EML6: variants seen among roughly 807,000 people sequenced by gnomAD.
EML6 encodes the protein EMAP like 6, also known as echinoderm microtubule-associated protein-like 6.
A neutral mutation model predicts 240.1 loss-of-function variants in EML6; 154 were observed. That is an observed-to-expected ratio of 0.64 (90% CI 0.56 to 0.73). The LOEUF (loss-of-function observed/expected upper bound fraction) is 0.73, where lower values mean the gene tolerates loss of function less well. Among genes scored for constraint, EML6 ranks in the 30% least tolerant of loss-of-function variants. EML6 has a pLI of 0.00. For synonymous variants in EML6, 1,148 were observed against 899.0 expected (o/e 1.28, Z -4.95); for missense variants, 2,964 against 2,474.6 (o/e 1.20, Z -4.20).
chr2:54,829,209 G>A, intron 6 of EML6, 133 bp from the exon 7 acceptor site: 1 of 714,406 alleles, frequency 1.4e-6, no homozygotes, highest in Non-Finnish European at 2.1e-6. Context: ...TCTATTGTCA[G>A]CATTTCAATA....
intron 17 of EML6, among the ~76,000 whole-genome samples, chr2:54,888,209 A>G (rs900985708): frequency 6.6e-6 from 1 of 152,118 alleles, no homozygotes; most frequent in African/African-American, 2.4e-5. Context: ...ATCTGATTGG[A>G]TCTTATAATG....
intron 26 of EML6, among the ~76,000 whole-genome samples, chr2:54,927,071 C>G (rs1171066090): frequency 6.6e-6 from 1 of 152,176 alleles, no homozygotes; most frequent in African/African-American, 2.4e-5. Flanking sequence ...CTTTCTGGAA[C>G]TCACATGTTC....
chr2:54,857,950 TATTA>T (rs1319255712), intron 11 of EML6, among the ~76,000 whole-genome samples: 2 of 152,238 alleles, frequency 1.3e-5, no homozygotes, highest in Non-Finnish European at 2.9e-5. Flanking sequence ...ACAAAGGCTA[TATTA>T]ATTATCTATT....
chr2:54,829,494 G>C lies in EML6; in HGVS notation c.847+17G>C. On this transcript the variant is annotated intron_variant, in intron 7 of 41. Transcript: ENST00000356458. ...GATACAAAGGTAATATATGTGTTAA[G>C]CTTACCTGTAACTCTGGATGTGAAA... is the stretch of plus-strand genomic sequence containing the variant. 6.5e-7 allele frequency: 1 copy of C among 1,536,942 alleles called. No homozygotes were observed. The highest frequency in any genetic ancestry group is 8.8e-7 in the Non-Finnish European group (1 of 1,134,864).
chr2:54,779,016 T>A (rs1668727813), intron 2 of EML6, among the ~76,000 whole-genome samples: 1 of 152,178 alleles, frequency 6.6e-6, no homozygotes. Flanking sequence ...CACTTTACAC[T>A]TTCACCTGAG....
intron 2 of EML6, among the ~76,000 whole-genome samples, chr2:54,753,292 G>T (rs891047320): frequency 1.3e-5 from 2 of 152,130 alleles, no homozygotes; most frequent in Non-Finnish European, 2.9e-5. Flanking sequence ...TAGTCACAAT[G>T]ATGTTCCTCT....
chr2:54,829,514 G>T, intron 7 of EML6, 37 bp downstream of exon 7: 2 of 1,501,160 alleles, frequency 1.3e-6, no homozygotes, highest in Non-Finnish European at 9.0e-7. Flanking sequence ...AACTCTGGAT[G>T]TGAAATATAA....
At chr2:54,775,415 G>C (rs1337409393) in intron 2 of EML6, among the ~76,000 whole-genome samples, 1 of 152,140 alleles carries the variant, frequency 6.6e-6, no homozygotes, top group Non-Finnish European at 1.5e-5. Flanking sequence ...TCCCGTGCCT[G>C]AAACGCTCCT....
At chr2:54,735,052 G>T (rs1267677780) in intron 2 of EML6, among the ~76,000 whole-genome samples, 2 of 152,118 alleles carry the variant, frequency 1.3e-5, no homozygotes, top group African/African-American at 4.8e-5. Context: ...CCTCATCCCT[G>T]TGTGTATCAT....
At position 54,971,353 on chromosome 2, in the gene EML6, G is replaced by C. The variant is rs1677003126; in HGVS notation, c.*1258G>C. On this transcript the variant is annotated 3_prime_UTR_variant, in exon 42 of 42. Coordinates refer to ENST00000356458, the MANE Select transcript of EML6 (RefSeq NM_001039753.4). ...AGCTGACCAGTGACTACAGGATGTG[G>C]CTGACAGTGCTCACTGAAAGGAGAG... 6.6e-6 allele frequency: 1 copy of C among 152,214 alleles called. No individual in the cohort carries two copies. The highest frequency in any genetic ancestry group is 1.5e-5 in the Non-Finnish European group (1 of 68,040). The allele number at this position is 152,214 out of a possible 1,614,324, so 9.4% of individuals were successfully genotyped here. A position where few individuals can be genotyped will look rare whatever the true frequency, so the allele number is the denominator to read the frequency against.
At chr2:54,848,198 C>T (rs1188709502) in intron 9 of EML6, among the ~76,000 whole-genome samples, 1 of 152,116 alleles carries the variant, frequency 6.6e-6, no homozygotes, top group Admixed American at 6.5e-5. Flanking sequence ...TTACTGACAT[C>T]CTATATACTT....
intron 26 of EML6, among the ~76,000 whole-genome samples, chr2:54,927,964 G>C (rs1674644859): frequency 6.6e-6 from 1 of 152,230 alleles, no homozygotes; most frequent in Non-Finnish European, 1.5e-5. Context: ...ATGTCAGCCA[G>C]ACTCACAGTC....
Position 54,957,802 on chromosome 2 carries a change from C to T in EML6, c.4499C>T (p.Ala1500Val), listed in dbSNP as rs1676300896. ...GTCACCCACACAGGTGCCAAGGTTG[C>T]CAGCCGAGGGGGTCACCTGGAGCGC... is the stretch of plus-strand genomic sequence containing the variant. ...VWRWQEGAKV[A>V]SRGGHLERIF... The change falls in exon 33 of 42, where the codon GCC becomes GTC. Residue 1500 changes from alanine (A) to valine (V), a missense_variant. Transcript: ENST00000356458. 1 of 1,549,676 alleles carries T rather than the reference C, an allele frequency of 6.5e-7. No individual in the cohort carries two copies. Among genetic ancestry groups the T allele is most frequent in the Non-Finnish European group, 8.7e-7 (1 of 1,146,994 alleles).
At chr2:54,949,643 A>G (rs1409190540) in intron 29 of EML6, among the ~76,000 whole-genome samples, 1 of 152,130 alleles carries the variant, frequency 6.6e-6, no homozygotes, top group Non-Finnish European at 1.5e-5. Flanking sequence ...TGGTTTTTTA[A>G]AGTATACATC....
At position 54,836,870 on chromosome 2, in the gene EML6, C is replaced by G. The variant is rs893913708; in HGVS notation, c.848-7177C>G. ...GATGCATGTCTTTCCTCCTTCATTTCTTTCACATTTCCAAACTCTGTCTTC... is the reference window on the plus strand; with the variant it reads ...GATGCATGTCTTTCCTCCTTCATTTGTTTCACATTTCCAAACTCTGTCTTC... On this transcript the variant is annotated intron_variant, in intron 7 of 41. Transcript: ENST00000356458. Among the ~76,000 whole-genome samples the G allele has an allele frequency of 3.9e-5, 6 of 152,174 alleles. No individual in the cohort carries two copies. The South Asian group carries it at 1.2e-3, about 32-fold the overall frequency.
At chr2:54,802,893 A>C (rs1670250640) in intron 2 of EML6, among the ~76,000 whole-genome samples, 1 of 152,074 alleles carries the variant, frequency 6.6e-6, no homozygotes, top group Non-Finnish European at 1.5e-5. Context: ...AGTCACTTAC[A>C]CCAAGTTCTG....
At chr2:54,772,597 C>G (rs1315083264) in intron 2 of EML6, among the ~76,000 whole-genome samples, 1 of 152,200 alleles carries the variant, frequency 6.6e-6, no homozygotes, top group Non-Finnish European at 1.5e-5. Context: ...TACTGAATGC[C>G]TACCATGTGC....
chr2:54,844,680 G>T (rs921131784), intron 8 of EML6, among the ~76,000 whole-genome samples: 1 of 152,200 alleles, frequency 6.6e-6, no homozygotes, highest in African/African-American at 2.4e-5. Flanking sequence ...TTTAGCACAT[G>T]AATAAGCTAT....
intron 12 of EML6, among the ~76,000 whole-genome samples, chr2:54,862,957 A>G (rs887371459): frequency 2.0e-5 from 3 of 152,190 alleles, no homozygotes; most frequent in African/African-American, 7.2e-5. Flanking sequence ...GAACAGGGTA[A>G]CCTTTGAAAT....
Sources: allele counts gnomAD v4.1 joint callset (sites outside exome capture counted in the v4.1 genomes callset), GRCh38; gene constraint gnomAD v4.1.1; transcripts MANE v1.5; gene names NCBI Gene and HGNC (gene_info 2026-07-23, HGNC 2026-07-21).